The following MACROD2 variants were observed in gnomAD, a reference collection of about 807,000 sequenced individuals.
The protein encoded by MACROD2 is mono-ADP ribosylhydrolase 2.
MACROD2 carries 36 observed loss-of-function variants against 70.4 expected under a neutral mutation model. The observed-to-expected ratio is 0.51, with a 90% CI of 0.39 to 0.68. MACROD2 has a LOEUF of 0.68. MACROD2 is among the 30% of genes least tolerant of loss of function. MACROD2 has a pLI of 0.00. For synonymous variants in MACROD2, 172 were observed against 178.8 expected, an observed-to-expected ratio of 0.96 and a Z score of 0.30; for missense variants, 496 against 538.4, an observed-to-expected ratio of 0.92 and a Z score of 0.78.
chr20:14,651,624 A>G (rs1985684451), intron 4 of MACROD2, among the ~76,000 whole-genome samples: 1 of 152,230 alleles, frequency 6.6e-6, no homozygotes, highest in Non-Finnish European at 1.5e-5. Flanking sequence ...TATAGTCAAG[A>G]AATGAATGTA....
chr20:15,846,911 T>TATATATATATATATA (rs1491315029), intron 8 of MACROD2, among the ~76,000 whole-genome samples: 1 of 138,180 alleles, frequency 7.2e-6, no homozygotes, highest in African/African-American at 2.7e-5. Context: ...AAAAAAAAAA[T>TATATATATATATATA]TATATATATA....
intron 8 of MACROD2, among the ~76,000 whole-genome samples, chr20:15,846,493 AG>A (rs1381240077): frequency 6.6e-6 from 1 of 152,048 alleles, no homozygotes; most frequent in Non-Finnish European, 1.5e-5. Context: ...TCTCTCATCT[AG>A]TTATCCTGAC....
At chr20:14,265,611 A>G (rs6042629) in intron 3 of MACROD2, among the ~76,000 whole-genome samples, 96,430 of 151,858 alleles carry the variant, frequency 0.64, 32,205 homozygotes, top group Non-Finnish European at 0.75. Flanking sequence ...CTTTTGTGTC[A>G]GTCCATACAA....
intron 5 of MACROD2, among the ~76,000 whole-genome samples, chr20:14,828,724 G>T (rs573210451): frequency 6.6e-6 from 1 of 152,092 alleles, no homozygotes; most frequent in Non-Finnish European, 1.5e-5. Flanking sequence ...ACACTTGAAA[G>T]GGGCAGGTGT....
At chr20:15,990,723 A>C (rs933738565) in intron 15 of MACROD2, among the ~76,000 whole-genome samples, 2 of 152,230 alleles carry the variant, frequency 1.3e-5, no homozygotes, top group Non-Finnish European at 2.9e-5. Context: ...TTTTGAACCA[A>C]GCATGGTCTG....
At chr20:14,298,568 CAA>C (rs550543982) in intron 3 of MACROD2, among the ~76,000 whole-genome samples, 3 of 35,074 alleles carry the variant, frequency 8.6e-5, no homozygotes, top group Admixed American at 2.9e-4. Context: ...AACTCCACCT[CAA>C]AAAAAAAAAA....
chr20:15,892,875 G>A, intron 10 of MACROD2: 1 of 398,230 alleles, frequency 2.5e-6, no homozygotes. Flanking sequence ...ACATAATTTT[G>A]AACCCTACTG....
chr20:14,707,897 A>G (rs1327945119), intron 5 of MACROD2, among the ~76,000 whole-genome samples: 1 of 152,198 alleles, frequency 6.6e-6, no homozygotes, highest in Non-Finnish European at 1.5e-5. Context: ...GAAAATACTC[A>G]TATTTATAAT....
rs1194367710 is a variant in MACROD2 at position 15,954,944 on chromosome 20, T to C, written c.908-12609T>C. ...AAGTGAAGCTCACAGAGCAATAACA[T>C]AGCTGGCCTGAGGCCACATAACTAG... On this transcript the variant is annotated intron_variant, in intron 12 of 17. Transcript: ENST00000684519. Among the ~76,000 whole-genome samples, 3 of 152,268 alleles carry C rather than the reference T, an allele frequency of 2.0e-5. No individual in the cohort carries two copies. In the East Asian group the frequency reaches 5.8e-4, roughly 29 times the overall value.
At chr20:14,350,016 T>A (rs1601518152) in intron 3 of MACROD2, among the ~76,000 whole-genome samples, 2 of 152,176 alleles carry the variant, frequency 1.3e-5, no homozygotes, top group East Asian at 3.9e-4. Flanking sequence ...CCCAAAGTGC[T>A]GGGATTACAG....
chr20:15,708,365 G>C (rs947965465), intron 8 of MACROD2, among the ~76,000 whole-genome samples: 1 of 152,108 alleles, frequency 6.6e-6, no homozygotes, highest in Non-Finnish European at 1.5e-5. Flanking sequence ...GGATAGGGAG[G>C]TCAGGGAGGG....
intron 15 of MACROD2, among the ~76,000 whole-genome samples, chr20:16,011,745 C>T (rs1336094353): frequency 2.0e-5 from 3 of 152,322 alleles, no homozygotes; most frequent in Admixed American, 2.0e-4. Flanking sequence ...GTCTTAGTAT[C>T]CCTGCTGTGA....
chr20:15,854,321 G>A (rs2064333702), intron 8 of MACROD2, among the ~76,000 whole-genome samples: 1 of 152,068 alleles, frequency 6.6e-6, no homozygotes, highest in Non-Finnish European at 1.5e-5. Context: ...CTGCTTTGGG[G>A]ACCATATGGC....
chr20:15,541,446 G>C (rs776980206), intron 8 of MACROD2, among the ~76,000 whole-genome samples: 1 of 152,148 alleles, frequency 6.6e-6, no homozygotes, highest in African/African-American at 2.4e-5. Flanking sequence ...CTTGGTATTC[G>C]TGTGATGAGT....
chr20:15,098,692 T>C (rs1268703799), intron 5 of MACROD2, among the ~76,000 whole-genome samples: 1 of 152,110 alleles, frequency 6.6e-6, no homozygotes, highest in Non-Finnish European at 1.5e-5. Flanking sequence ...AATGGTCAAA[T>C]AAAAGAAGTT....
chr20:15,131,788 G>T (rs2076107537), intron 5 of MACROD2, among the ~76,000 whole-genome samples: 1 of 151,938 alleles, frequency 6.6e-6, no homozygotes, highest in Non-Finnish European at 1.5e-5. Flanking sequence ...GGCAATCCAT[G>T]TAGAAGCTTA....
intron 6 of MACROD2, among the ~76,000 whole-genome samples, chr20:15,236,048 C>T (rs1241885308): frequency 6.6e-6 from 1 of 152,208 alleles, no homozygotes; most frequent in African/African-American, 2.4e-5. Flanking sequence ...AGAACAAAGG[C>T]ACTTTTGCAT....
chr20:14,182,697 T>A (rs768928278), intron 3 of MACROD2, among the ~76,000 whole-genome samples: 147 of 152,104 alleles, frequency 9.7e-4, no homozygotes, highest in Non-Finnish European at 1.9e-3. Flanking sequence ...TGTTAGTTTT[T>A]AAAAATACTC....
chr20:15,431,522 G>A, intron 7 of MACROD2, 87 bp downstream of exon 7: 1 of 1,246,928 alleles, frequency 8.0e-7, no homozygotes, highest in East Asian at 2.3e-5. Context: ...GAGGTTCTCT[G>A]ATGAATATAT....
Sources: gnomAD v4.1 joint callset for allele counts (sites outside exome capture counted in the v4.1 genomes callset) on GRCh38, gnomAD v4.1.1 for gene constraint, MANE v1.5 for transcripts, NCBI Gene and HGNC (gene_info 2026-07-23, HGNC 2026-07-21) for gene names.